KLHL4: variants seen among roughly 807,000 people sequenced by gnomAD.
KLHL4 encodes the protein kelch-like protein 4.
KLHL4 carries 17 observed loss-of-function variants against 45.8 expected under a neutral mutation model. The ratio of observed to expected loss-of-function variants is 0.37; its 90% confidence interval spans 0.25 to 0.56. The LOEUF is 0.56. KLHL4 is among the 20% of genes least tolerant of loss of function. KLHL4 has a pLI of 0.79. For synonymous variants in KLHL4, 224 were observed against 189.9 expected, an observed-to-expected ratio of 1.18 and a Z score of -1.47; for missense variants, 544 against 544.9, an observed-to-expected ratio of 1.00 and a Z score of 0.02.
At chrX:87,545,928 G>A (rs1479236091) in intron 1 of KLHL4, among the ~76,000 whole-genome samples, 2 of 111,681 alleles carry the variant, frequency 1.8e-5, no homozygotes, top group African/African-American at 3.3e-5. Flanking sequence ...TTTTGCCCAC[G>A]CCCTAGAGAT....
At chrX:87,601,740 G>T (rs771851279) in intron 1 of KLHL4, among the ~76,000 whole-genome samples, 105 of 111,478 alleles carry the variant, frequency 9.4e-4, no homozygotes, top group African/African-American at 3.4e-3. Context: ...CATGTGCCTG[G>T]CTACCTACTC....
At chrX:87,563,599 A>C (rs1286645001) in intron 1 of KLHL4, among the ~76,000 whole-genome samples, 1 of 91,332 alleles carries the variant, frequency 1.1e-5, no homozygotes, top group Non-Finnish European at 2.1e-5. Context: ...ACACAGTCCA[A>C]AGGAGACAAA....
intron 3 of KLHL4, among the ~76,000 whole-genome samples, chrX:87,616,541 G>A (rs1922562899): frequency 9.0e-6 from 1 of 111,533 alleles, no homozygotes; most frequent in African/African-American, 3.2e-5. Context: ...TCAGCCAGCT[G>A]GCTTGACTAT....
In KLHL4 at chrX:87,517,913, A is replaced by C. The variant is rs746993319; in HGVS notation, c.20A>C (p.Lys7Thr). Residue 7 changes from lysine to threonine, a missense_variant, in exon 1 of 11, where the codon AAA becomes ACA. By Grantham distance (78) the Lys-to-Thr change is moderately conservative (BLOSUM62 -1). Transcript: ENST00000373119. MSVSGKKEFDVKQILRL... is the reference protein window; with the variant it reads MSVSGKTEFDVKQILRL... Reference sequence around the variant, plus strand: ...GCTACGATGTCAGTGTCTGGCAAGAAAGAGTTTGATGTGAAACAGATCCTA... The same window carrying C: ...GCTACGATGTCAGTGTCTGGCAAGACAGAGTTTGATGTGAAACAGATCCTA... 2 of 1,205,613 alleles carry C rather than the reference A, an allele frequency of 1.7e-6. No homozygotes were observed. The highest frequency in any genetic ancestry group is 5.9e-5 in the East Asian group (2 of 33,736).
chrX:87,538,120 C>A (rs1931473340), intron 1 of KLHL4, among the ~76,000 whole-genome samples: 1 of 111,704 alleles, frequency 9.0e-6, no homozygotes, highest in Non-Finnish European at 1.9e-5. Flanking sequence ...CTCCTTATTT[C>A]TTTCTTCATT....
chrX:87,583,533 T>C (rs1444268739), intron 1 of KLHL4, among the ~76,000 whole-genome samples: 1 of 111,889 alleles, frequency 8.9e-6, no homozygotes, highest in Non-Finnish European at 1.9e-5. Context: ...AGGCCCACAT[T>C]CTAGGCCCTA....
intron 9 of KLHL4, among the ~76,000 whole-genome samples, chrX:87,660,193 C>T (rs985203401): frequency 1.8e-5 from 2 of 111,481 alleles, no homozygotes; most frequent in Admixed American, 9.6e-5. Flanking sequence ...AAGTCATAGA[C>T]AGCACACAAC....
intron 4 of KLHL4, among the ~76,000 whole-genome samples, chrX:87,621,132 T>C (rs1455038946): frequency 8.9e-6 from 1 of 111,894 alleles, no homozygotes; most frequent in East Asian, 2.8e-4. Context: ...CCACAATGAC[T>C]CAACTAAAAG....
At chrX:87,573,147 T>G (rs1381035669) in intron 1 of KLHL4, among the ~76,000 whole-genome samples, 1 of 111,704 alleles carries the variant, frequency 9.0e-6, no homozygotes, top group African/African-American at 3.2e-5. Flanking sequence ...GCATGTGCCC[T>G]AGACCAGTGG....
At chrX:87,582,166 C>T (rs763459119) in intron 1 of KLHL4, among the ~76,000 whole-genome samples, 85 of 111,731 alleles carry the variant, frequency 7.6e-4, no homozygotes, top group Non-Finnish European at 1.4e-3. Flanking sequence ...AGATCATCCC[C>T]CCTGCAAGGA....
intron 1 of KLHL4, among the ~76,000 whole-genome samples, chrX:87,565,304 A>G (rs923405444): frequency 4.5e-5 from 5 of 112,260 alleles, no homozygotes; most frequent in Non-Finnish European, 9.4e-5. Flanking sequence ...GACAGTGGAG[A>G]TTAAAATAGA....
intron 1 of KLHL4, among the ~76,000 whole-genome samples, chrX:87,557,373 T>A (rs1394255032): frequency 1.8e-5 from 2 of 111,815 alleles, no homozygotes. Flanking sequence ...TGGCAACTTT[T>A]ATGGATAGCA....
At chrX:87,661,215 A>G (rs750241737) in intron 9 of KLHL4, among the ~76,000 whole-genome samples, 48 of 111,681 alleles carry the variant, frequency 4.3e-4, no homozygotes, top group African/African-American at 1.6e-3. Context: ...TCTTGTTTCT[A>G]TTGCGGTTTG....
chrX:87,662,732 A>T (rs1320186333), intron 9 of KLHL4, among the ~76,000 whole-genome samples: 1 of 110,133 alleles, frequency 9.1e-6, no homozygotes, highest in Non-Finnish European at 1.9e-5. Flanking sequence ...GATCCAGACC[A>T]TCCTGGCTAA....
At chrX:87,588,434 G>A (rs1287658023) in intron 1 of KLHL4, among the ~76,000 whole-genome samples, 1 of 111,493 alleles carries the variant, frequency 9.0e-6, no homozygotes, top group Non-Finnish European at 1.9e-5. Flanking sequence ...CATGTTACTG[G>A]TGTAAAAACA....
chrX:87,586,216 C>G (rs1039674925), intron 1 of KLHL4, among the ~76,000 whole-genome samples: 1 of 110,594 alleles, frequency 9.0e-6, no homozygotes, highest in Non-Finnish European at 1.9e-5. Flanking sequence ...TTGGATAGAT[C>G]GTGTAGACAG....
intron 1 of KLHL4, among the ~76,000 whole-genome samples, chrX:87,556,202 G>A (rs11092965): frequency 0.25 from 27,602 of 109,796 alleles, 2,979 homozygotes; most frequent in East Asian, 0.51. Flanking sequence ...AAATCATGCT[G>A]CTATAAAGAC....
chrX:87,578,599 G>T (rs1458608641), intron 1 of KLHL4, among the ~76,000 whole-genome samples: 1 of 112,401 alleles, frequency 8.9e-6, no homozygotes, highest in Non-Finnish European at 1.9e-5. Context: ...GCATTGAAAT[G>T]AATAAGAAAA....
intron 1 of KLHL4, among the ~76,000 whole-genome samples, chrX:87,591,483 T>C (rs1921660957): frequency 9.0e-6 from 1 of 111,662 alleles, no homozygotes; most frequent in African/African-American, 3.3e-5. Context: ...CTTACATCCA[T>C]TTTTTTAGTC....
Sources: allele counts gnomAD v4.1 joint callset (sites outside exome capture counted in the v4.1 genomes callset), GRCh38; gene constraint gnomAD v4.1.1; transcripts MANE v1.5; gene names NCBI Gene and HGNC (gene_info 2026-07-23, HGNC 2026-07-21).